CRY1: variants seen among roughly 807,000 people sequenced by gnomAD.
CRY1 encodes the protein cryptochrome-1.
Under a neutral mutation model 76.0 loss-of-function variants are expected in CRY1, and 45 were observed. The observed-to-expected ratio is 0.59, with a 90% confidence interval of 0.47 to 0.76. CRY1 has a LOEUF of 0.76. Ranked by LOEUF, CRY1 falls within the 30% of genes least tolerant of loss-of-function variation. The pLI is 0.00. For synonymous variants in CRY1, 248 were observed against 244.0 expected, an observed-to-expected ratio of 1.02 and a Z score of -0.15; for missense variants, 587 against 716.4, an observed-to-expected ratio of 0.82 and a Z score of 2.06.
intron 1 of CRY1, among the ~76,000 whole-genome samples, chr12:107,052,651 G>T (rs2136876979): frequency 6.6e-6 from 1 of 152,318 alleles, no homozygotes; most frequent in South Asian, 2.1e-4. Context: ...TAGAACATCT[G>T]TGCAGAAACC....
At chr12:107,056,494 G>C (rs1952983682) in intron 1 of CRY1, among the ~76,000 whole-genome samples, 1 of 152,160 alleles carries the variant, frequency 6.6e-6, no homozygotes, top group Non-Finnish European at 1.5e-5. Flanking sequence ...GTGGCCTGCG[G>C]GCTGCATGTG....
intron 7 of CRY1, among the ~76,000 whole-genome samples, 170 bp from the exon 8 acceptor site, chr12:106,998,236 C>T (rs1952256116): frequency 6.6e-6 from 1 of 152,086 alleles, no homozygotes; most frequent in Admixed American, 6.5e-5. Context: ...TGAGCTCTTC[C>T]AGAGAAAGAA....
rs763668031 is a variant in CRY1, at chr12:107,005,186, G to A, written c.330C>T (p.Asp110=). Residue 110 remains aspartate, a synonymous_variant, in exon 3 of 13, where the codon GAC becomes GAT. Transcript: ENST00000008527. The part of the protein sequence containing the change: ...YDSEPFGKER[D]AAIKKLATEA... Reference sequence around the variant, plus strand: ...CAGTTGCCAGTTTCTTAATAGCTGCGTCTCGTTCCTTTCCAAAGGGCTCAG... The same window carrying A: ...CAGTTGCCAGTTTCTTAATAGCTGCATCTCGTTCCTTTCCAAAGGGCTCAG... The A allele has an allele frequency of 2.9e-5, 47 of 1,613,282 alleles. No individual in the cohort carries two copies. Among genetic ancestry groups the A allele is most frequent in the African/African-American group, 1.7e-4 (13 of 74,792 alleles).
chr12:107,025,066 T>C (rs956634499), intron 1 of CRY1, among the ~76,000 whole-genome samples: 5 of 152,236 alleles, frequency 3.3e-5, no homozygotes, highest in African/African-American at 1.2e-4. Context: ...AAATTTACAT[T>C]GCATGCATCT....
chr12:107,075,429 T>C lies in CRY1; in HGVS notation c.158+17375A>G, dbSNP rs534565159. Reference sequence around the variant, plus strand: ...ATTAACTATCTGTAGATAAGACAGCTAAACTAGATGGGAAGAAAAAAATGT... The same window carrying C: ...ATTAACTATCTGTAGATAAGACAGCCAAACTAGATGGGAAGAAAAAAATGT... On this transcript the variant is annotated intron_variant, in intron 1 of 12. Coordinates refer to ENST00000008527, the MANE Select transcript of CRY1 (RefSeq NM_004075.5). Among the ~76,000 whole-genome samples, 96 of 152,224 alleles carry C rather than the reference T, an allele frequency of 6.3e-4. 1 individual carries two copies. The highest frequency in any genetic ancestry group is 2.1e-3 in the African/African-American group (88 of 41,526).
intron 2 of CRY1, among the ~76,000 whole-genome samples, chr12:107,015,427 C>A (rs1388731890): frequency 1.3e-5 from 2 of 150,108 alleles, no homozygotes; most frequent in Non-Finnish European, 3.0e-5. Flanking sequence ...GCAGCATTAA[C>A]CTCCTGGGTT....
At chr12:107,027,109 C>T (rs1452269168) in intron 1 of CRY1, among the ~76,000 whole-genome samples, 2 of 152,040 alleles carry the variant, frequency 1.3e-5, no homozygotes, top group East Asian at 1.9e-4. Context: ...TAATGCTGAA[C>T]GAATAATGTT....
Position 107,001,863 on chromosome 12 carries a change from G to T in CRY1, c.496C>A (p.Pro166Thr). 6.3e-7 allele frequency: 1 copy of T among 1,597,118 alleles called. No individual in the cohort carries two copies. The highest frequency in any genetic ancestry group is 8.5e-7 in the Non-Finnish European group (1 of 1,175,998). Residue 166 changes from proline to threonine, a missense_variant, in exon 4 of 13, where the codon CCA becomes ACA. Physicochemically the swap from Pro to Thr is conservative, Grantham distance 38. Transcript: ENST00000008527. ...LISKMEPLEI[P>T]VETITSEVIE... ...ACTTCTGAAGTAATTGTCTCTACTG[G>T]TATCTCTAGTGGTTCCATTTTGCTG...
chr12:107,072,835 T>C (rs1183403788), intron 1 of CRY1: 1 of 152,222 alleles, frequency 6.6e-6, no homozygotes, highest in Admixed American at 6.5e-5. Flanking sequence ...TTTACTATGA[T>C]TGTATTTTTC....
chr12:107,076,984 A>G (rs1474456400), intron 1 of CRY1, among the ~76,000 whole-genome samples: 1 of 152,138 alleles, frequency 6.6e-6, no homozygotes, highest in Non-Finnish European at 1.5e-5. Flanking sequence ...AGACGCTGCT[A>G]TGCTTCCTGA....
At chr12:107,014,142 G>A (rs1459263262) in intron 2 of CRY1, among the ~76,000 whole-genome samples, 1 of 152,166 alleles carries the variant, frequency 6.6e-6, no homozygotes, top group Non-Finnish European at 1.5e-5. Flanking sequence ...AACCTTCCCT[G>A]TAAAGAAATT....
chr12:107,031,611 T>C (rs529284475), intron 1 of CRY1, among the ~76,000 whole-genome samples: 15 of 152,182 alleles, frequency 9.9e-5, no homozygotes, highest in Non-Finnish European at 1.3e-4. Context: ...CATGTTGATA[T>C]TATGTTCACT....
intron 1 of CRY1, among the ~76,000 whole-genome samples, chr12:107,070,671 TTTATTTATTTA>T (rs1953177580): frequency 4.8e-5 from 3 of 63,084 alleles, no homozygotes; most frequent in South Asian, 1.4e-3. Flanking sequence ...CTTATTTTTA[TTTATTTATTTA>T]TTTATTTATT....
At chr12:107,082,729 A>G (rs1317628799) in intron 1 of CRY1, among the ~76,000 whole-genome samples, 1 of 152,236 alleles carries the variant, frequency 6.6e-6, no homozygotes, top group Non-Finnish European at 1.5e-5. Flanking sequence ...CTAAATGTCC[A>G]TATCAGAAAG....
rs571928751 is a variant in CRY1, at chr12:107,077,530, T to C, written c.158+15274A>G. 2.0e-5 allele frequency among the ~76,000 whole-genome samples: 3 copies of C among 152,346 alleles called. No homozygotes were observed. In the East Asian group the frequency reaches 5.8e-4, roughly 29 times the overall value. ...TTAGTACAGTCAGATGTTCTAAACT[T>C]ACTTCAGTCTGTCATTCAAAGAATT... On this transcript the variant is annotated intron_variant, in intron 1 of 12. Coordinates refer to ENST00000008527, the MANE Select transcript of CRY1 (RefSeq NM_004075.5).
Position 107,007,429 on chromosome 12 carries a change from T to C in CRY1, c.268-2181A>G, listed in dbSNP as rs756129688. ...TGATGTGAAAAAATTAACCATATTA[T>C]TGGGTTGCTAAAGAATTAAATAACA... is the stretch of plus-strand genomic sequence containing the variant. On this transcript the variant is annotated intron_variant, in intron 2 of 12. Transcript: ENST00000008527. Among the ~76,000 whole-genome samples, 20 of 152,314 alleles carry C rather than the reference T, an allele frequency of 1.3e-4. 1 individual carries two copies. In the Middle Eastern group the frequency reaches 0.01, roughly 78 times the overall value.
chr12:107,020,353 C>T (rs1018068489), intron 2 of CRY1, among the ~76,000 whole-genome samples: 1 of 152,052 alleles, frequency 6.6e-6, no homozygotes, highest in African/African-American at 2.4e-5. Context: ...AGCAGATATA[C>T]ATTTATAAAG....
At chr12:107,010,299 A>G (rs1342246235) in intron 2 of CRY1, among the ~76,000 whole-genome samples, 2 of 152,074 alleles carry the variant, frequency 1.3e-5, no homozygotes, top group African/African-American at 4.8e-5. Flanking sequence ...GAGTTTATCA[A>G]TTTTATTAAT....
intron 1 of CRY1, among the ~76,000 whole-genome samples, chr12:107,076,639 C>T (rs1953256846): frequency 6.6e-6 from 1 of 151,086 alleles, no homozygotes; most frequent in Non-Finnish European, 1.5e-5. Flanking sequence ...AAAAAAACCT[C>T]TCTTTTCATG....
Sources: gnomAD v4.1 joint callset for allele counts (sites outside exome capture counted in the v4.1 genomes callset) on GRCh38, gnomAD v4.1.1 for gene constraint, MANE v1.5 for transcripts, NCBI Gene and HGNC (gene_info 2026-07-23, HGNC 2026-07-21) for gene names.